The following CORO1C variants were observed in gnomAD, a reference collection of about 807,000 sequenced individuals.
The protein encoded by CORO1C is coronin-1C.
Under a neutral mutation model 51.2 loss-of-function variants are expected in CORO1C, and 14 were observed. The ratio of observed to expected loss-of-function variants is 0.27; its 90% CI spans 0.18 to 0.43. The LOEUF (loss-of-function observed/expected upper bound fraction) is 0.43, where lower values mean the gene tolerates loss of function less well. Among genes scored for constraint, CORO1C ranks in the 20% least tolerant of loss-of-function variants. The pLI is 1.00. For synonymous variants in CORO1C, 181 were observed against 210.5 expected, an observed-to-expected ratio of 0.86 and a Z score of 1.21; for missense variants, 417 against 607.8, an observed-to-expected ratio of 0.69 and a Z score of 3.30.
intron 4 of CORO1C, 110 bp from the exon 5 acceptor site, chr12:108,659,029 AG>A: frequency 9.2e-7 from 1 of 1,082,012 alleles, no homozygotes; most frequent in Non-Finnish European, 1.3e-6. Flanking sequence ...AGAGAGAGAG[AG>A]AGAGAAAGAG....
At chr12:108,655,634 G>A (rs943482157) in intron 6 of CORO1C, among the ~76,000 whole-genome samples, 13 of 152,198 alleles carry the variant, frequency 8.5e-5, no homozygotes, top group Non-Finnish European at 1.8e-4. Flanking sequence ...CGCCAGCCTC[G>A]GCCTCCCGAG....
chr12:108,678,509 T>C (rs1160580514), intron 2 of CORO1C, 115 bp from the exon 3 acceptor site: 2 of 816,066 alleles, frequency 2.5e-6, no homozygotes, highest in African/African-American at 3.5e-5. Context: ...ATTTTCTAGA[T>C]ATGACATCGT....
intron 3 of CORO1C, among the ~76,000 whole-genome samples, 173 bp from the exon 4 acceptor site, chr12:108,662,331 TG>T (rs1255914339): frequency 1.3e-5 from 2 of 152,132 alleles, no homozygotes; most frequent in African/African-American, 4.8e-5. Flanking sequence ...TTTTTTTGTT[TG>T]TTTTTTTGTT....
intron 3 of CORO1C, among the ~76,000 whole-genome samples, chr12:108,667,644 A>T (rs2136820120): frequency 6.6e-6 from 1 of 152,342 alleles, no homozygotes; most frequent in South Asian, 2.1e-4. Context: ...GTGCATAAGG[A>T]AGTGAGGCTC....
chr12:108,648,822 G>A lies in CORO1C; in HGVS notation c.1088C>T (p.Pro363Leu), dbSNP rs2032504427. ...KSDLFQDDLY[P>L]DTAGPEAALE... is the part of the protein sequence containing the mutation. ...CGCGGCCTCTGGCCCCGCTGTGTCA[G>A]GATACAGGTCATCTTGGAAAAGGTC... Residue 363 changes from proline to leucine, a missense_variant, in exon 10 of 11, where the codon CCT (proline) becomes CTT (leucine). By Grantham distance (98) the Pro-to-Leu change is moderately conservative (BLOSUM62 -3). Transcript: ENST00000261401. 2 of 1,614,220 alleles carry A rather than the reference G, an allele frequency of 1.2e-6. No homozygotes were observed. Among genetic ancestry groups the A allele is most frequent in the Non-Finnish European group, 1.7e-6 (2 of 1,180,044 alleles).
At chr12:108,666,531 G>A (rs1157302716) in intron 3 of CORO1C, among the ~76,000 whole-genome samples, 5 of 152,168 alleles carry the variant, frequency 3.3e-5, no homozygotes, top group Admixed American at 3.3e-4. Flanking sequence ...GTGGCTCTCT[G>A]CCCTCTTCAG....
chr12:108,709,099 G>A (rs2035110476), intron 1 of CORO1C, among the ~76,000 whole-genome samples: 1 of 152,002 alleles, frequency 6.6e-6, no homozygotes, highest in Non-Finnish European at 1.5e-5. Flanking sequence ...TGACTGTGTT[G>A]ATGGTTGCAG....
Position 108,658,661 on chromosome 12 carries a change from T to C in CORO1C, c.630+77A>G, listed in dbSNP as rs2033126995. ...ACAGGGTCCCACTGACCAGTACCGC[T>C]GCCTGCCTTAAAAAGCAGAAAGCTC... On this transcript the variant is annotated intron_variant, in intron 5 of 10. Transcript: ENST00000261401. This position sits in a 1 kb window ranked among gnomAD's most constrained non-coding sequence, Gnocchi z 4.9. 1 of 1,485,204 alleles carries C rather than the reference T, an allele frequency of 6.7e-7. No homozygotes were observed. The highest frequency in any genetic ancestry group is 1.4e-5 in the African/African-American group (1 of 72,584). The allele number at this position is 1,485,204 out of a possible 1,614,324, so 92.0% of individuals were successfully genotyped here.
intron 1 of CORO1C, among the ~76,000 whole-genome samples, chr12:108,706,149 T>C (rs1459486059): frequency 7.1e-6 from 1 of 140,798 alleles, no homozygotes; most frequent in Non-Finnish European, 1.5e-5. Flanking sequence ...ACAGTGCCAC[T>C]GCACTCCAGT....
intron 3 of CORO1C, among the ~76,000 whole-genome samples, chr12:108,670,023 T>C (rs982938109): frequency 6.6e-6 from 1 of 152,226 alleles, no homozygotes; most frequent in Non-Finnish European, 1.5e-5. Flanking sequence ...AAGGGCGACA[T>C]TGAGGATTCT....
chr12:108,685,888 T>C (rs1344315604), intron 2 of CORO1C, among the ~76,000 whole-genome samples: 5 of 152,090 alleles, frequency 3.3e-5, no homozygotes, highest in African/African-American at 4.8e-5. Flanking sequence ...TGCTGGATGT[T>C]CACAAACACA....
chr12:108,714,756 C>CA (rs1039580600), intron 1 of CORO1C, among the ~76,000 whole-genome samples: 1 of 150,028 alleles, frequency 6.7e-6, no homozygotes, highest in South Asian at 2.1e-4. Flanking sequence ...CAGTGATACC[C>CA]AAAAAAAATA....
At position 108,667,735 on chromosome 12, in the gene CORO1C, T is replaced by C. The variant is rs539187063; in HGVS notation, c.319-5577A>G. Among the ~76,000 whole-genome samples the C allele has an allele frequency of 2.0e-5, 3 of 152,296 alleles. No individual in the cohort carries two copies. The East Asian group carries it at 5.8e-4, about 29-fold the overall frequency. On this transcript the variant is annotated intron_variant, in intron 3 of 10. Transcript: ENST00000261401. ...AATGACATTCAGTTCCAAGGGCTCC[T>C]ACATGAAAAAGTGAATCCATCAGTA...
At chr12:108,724,180 C>A (rs1241018153) in intron 1 of CORO1C, among the ~76,000 whole-genome samples, 2 of 152,286 alleles carry the variant, frequency 1.3e-5, no homozygotes, top group Non-Finnish European at 1.5e-5. Flanking sequence ...TAGGTACATG[C>A]TACCAACTGT....
intron 2 of CORO1C, among the ~76,000 whole-genome samples, chr12:108,691,771 A>C (rs776838445): frequency 9.2e-5 from 14 of 152,198 alleles, no homozygotes; most frequent in Non-Finnish European, 1.8e-4. Flanking sequence ...TGGACATATC[A>C]GTGAACTGCA....
chr12:108,696,926 A>G (rs1362231732), intron 2 of CORO1C, among the ~76,000 whole-genome samples: 2 of 152,230 alleles, frequency 1.3e-5, no homozygotes, highest in African/African-American at 4.8e-5. Flanking sequence ...CAAACACCTC[A>G]TAAACCATAT....
At chr12:108,703,081 G>C in intron 1 of CORO1C, 1 of 855,242 alleles carries the variant, frequency 1.2e-6, no homozygotes, top group Non-Finnish European at 1.7e-6. Flanking sequence ...CAAAAGGAAA[G>C]CACATCTATA....
chr12:108,728,899 C>G (rs2035651634), intron 1 of CORO1C, among the ~76,000 whole-genome samples: 1 of 152,084 alleles, frequency 6.6e-6, no homozygotes, highest in African/African-American at 2.4e-5. Flanking sequence ...AAATGGAAAA[C>G]AAGCTTAAGA....
intron 6 of CORO1C, among the ~76,000 whole-genome samples, chr12:108,656,670 G>A (rs1013358527): frequency 5.3e-5 from 8 of 152,366 alleles, no homozygotes; most frequent in African/African-American, 1.9e-4. Flanking sequence ...GTAGAAGGAA[G>A]TAGACATGGG....
Sources: gnomAD v4.1 joint callset for allele counts (sites outside exome capture counted in the v4.1 genomes callset) on GRCh38, gnomAD v4.1.1 for gene constraint, Gnocchi (gnomAD v3.1) non-coding constraint, MANE v1.5 for transcripts, NCBI Gene and HGNC (gene_info 2026-07-23, HGNC 2026-07-21) for gene names.